The following KCTD8 variants were observed in gnomAD, a reference collection of about 807,000 sequenced individuals.
The protein encoded by KCTD8 is potassium channel tetramerization domain containing 8.
A neutral mutation model predicts 31.5 loss-of-function variants in KCTD8; 27 were observed. That is an observed-to-expected ratio of 0.86 (90% confidence interval 0.63 to 1.18). The LOEUF (loss-of-function observed/expected upper bound fraction) is 1.18. Ranked by LOEUF, KCTD8 falls within the 50% of genes most tolerant of loss-of-function variation. The pLI is 0.00. For synonymous variants in KCTD8, 290 were observed against 280.0 expected, an observed-to-expected ratio of 1.04 and a Z score of -0.36; for missense variants, 658 against 647.7, an observed-to-expected ratio of 1.02 and a Z score of -0.17.
intron 1 of KCTD8, among the ~76,000 whole-genome samples, chr4:44,350,987 C>T (rs565617929): frequency 6.6e-6 from 1 of 152,202 alleles, no homozygotes; most frequent in African/African-American, 2.4e-5. Flanking sequence ...AGGGTAGATT[C>T]CAATTCACTC....
intron 1 of KCTD8, among the ~76,000 whole-genome samples, chr4:44,352,523 A>G (rs1719229384): frequency 6.8e-6 from 1 of 147,724 alleles, no homozygotes; most frequent in African/African-American, 2.5e-5. Context: ...TATTTTATAT[A>G]TTTTATATAC....
intron 1 of KCTD8, among the ~76,000 whole-genome samples, chr4:44,295,760 C>G (rs1471578567): frequency 6.6e-6 from 1 of 152,126 alleles, no homozygotes; most frequent in Admixed American, 6.6e-5. Context: ...GAACAAAACA[C>G]CTCCCAGAGG....
intron 1 of KCTD8, among the ~76,000 whole-genome samples, chr4:44,234,728 G>T (rs772908003): frequency 6.6e-6 from 1 of 152,114 alleles, no homozygotes; most frequent in Non-Finnish European, 1.5e-5. Flanking sequence ...TATAAGCCAG[G>T]CCCTTCTAGG....
intron 1 of KCTD8, among the ~76,000 whole-genome samples, chr4:44,197,327 G>A (rs1000263595): frequency 6.6e-6 from 1 of 152,110 alleles, no homozygotes; most frequent in African/African-American, 2.4e-5. Context: ...GCCCCTGCCT[G>A]AGGGAGCCCC....
intron 1 of KCTD8, among the ~76,000 whole-genome samples, chr4:44,349,516 G>T (rs1042273049): frequency 1.4e-4 from 21 of 152,156 alleles, no homozygotes; most frequent in African/African-American, 5.1e-4. Flanking sequence ...AATAAAGCAT[G>T]ACTGTGGTTC....
At chr4:44,263,097 C>T (rs1716229776) in intron 1 of KCTD8, among the ~76,000 whole-genome samples, 1 of 152,112 alleles carries the variant, frequency 6.6e-6, no homozygotes, top group Non-Finnish European at 1.5e-5. Context: ...CATATTCTTT[C>T]CTCTCCCACT....
chr4:44,333,240 C>T lies in KCTD8; in HGVS notation c.961+114323G>A, dbSNP rs1718636332. 2.0e-5 allele frequency among the ~76,000 whole-genome samples: 3 copies of T among 152,034 alleles called. No homozygotes were observed. In the South Asian group the frequency reaches 6.2e-4, roughly 32 times the overall value. On this transcript the variant is annotated intron_variant, in intron 1 of 1. Transcript: ENST00000360029. ...AAAGATGAAGACAGACAATCCAATA[C>T]AGGGACCAGGAAAGATGTCAGCCTA...
intron 1 of KCTD8, among the ~76,000 whole-genome samples, chr4:44,390,891 G>T (rs926422173): frequency 4.6e-5 from 7 of 151,778 alleles, no homozygotes; most frequent in African/African-American, 1.7e-4. Flanking sequence ...ATTCCTCAAA[G>T]AACTAAAAGT....
intron 1 of KCTD8, among the ~76,000 whole-genome samples, chr4:44,382,589 G>C (rs535805452): frequency 4.0e-5 from 6 of 151,842 alleles, no homozygotes; most frequent in Non-Finnish European, 8.8e-5. Flanking sequence ...AATTACCCGG[G>C]CGTGGTGGTG....
At chr4:44,414,558 C>G (rs959717429) in intron 1 of KCTD8, among the ~76,000 whole-genome samples, 2 of 152,102 alleles carry the variant, frequency 1.3e-5, no homozygotes, top group African/African-American at 4.8e-5. Flanking sequence ...CTGGGTGGCC[C>G]CTGAGGGCTG....
chr4:44,242,550 A>T (rs1381531708), intron 1 of KCTD8, among the ~76,000 whole-genome samples: 1 of 152,036 alleles, frequency 6.6e-6, no homozygotes, highest in East Asian at 1.9e-4. Context: ...TGCAGTCTGG[A>T]CTGGGCGAAA....
chr4:44,301,906 G>T (rs1717635598), intron 1 of KCTD8, among the ~76,000 whole-genome samples: 2 of 152,134 alleles, frequency 1.3e-5, no homozygotes, highest in South Asian at 4.1e-4. Context: ...AAGGTGTAAG[G>T]AAGGGATCCA....
At chr4:44,189,952 C>T (rs541286403) in intron 1 of KCTD8, among the ~76,000 whole-genome samples, 2 of 152,250 alleles carry the variant, frequency 1.3e-5, no homozygotes, top group African/African-American at 2.4e-5. Context: ...TGATTCCCTC[C>T]CCCAGCAAAC....
chr4:44,351,715 T>C (rs1315308452), intron 1 of KCTD8, among the ~76,000 whole-genome samples: 1 of 152,080 alleles, frequency 6.6e-6, no homozygotes, highest in Admixed American at 6.6e-5. Flanking sequence ...ATAGAGATCA[T>C]AAGATCCTTG....
At chr4:44,385,360 A>G (rs1242140320) in intron 1 of KCTD8, among the ~76,000 whole-genome samples, 3 of 151,718 alleles carry the variant, frequency 2.0e-5, no homozygotes, top group Admixed American at 6.6e-5. Context: ...AGACATATAG[A>G]CGAAGGAAAT....
rs1387466119 is a variant in KCTD8, at chr4:44,448,429, G to A, written c.95C>T (p.Ala32Val). 1 of 1,553,846 alleles carries A rather than the reference G, an allele frequency of 6.4e-7. No individual in the cohort carries two copies. The highest frequency in any genetic ancestry group is 2.1e-5 in the Admixed American group (1 of 47,272). Reference sequence around the variant, plus strand: ...CGAGGGTGCGCAGGGCCCCGGGGCGGCGGCGGCCGACGCGCCGGGCGAGCT... The same window carrying A: ...CGAGGGTGCGCAGGGCCCCGGGGCGACGGCGGCCGACGCGCCGGGCGAGCT... ...SSSSPGASAAAAPGPCAPSPF... is the reference protein window; with the variant it reads ...SSSSPGASAAVAPGPCAPSPF... Residue 32 changes from alanine to valine, a missense_variant, in exon 1 of 2, where the codon GCC (alanine) becomes GTC (valine). Physicochemically the swap from Ala to Val is moderately conservative, Grantham distance 64. Coordinates refer to ENST00000360029, the MANE Select transcript of KCTD8 (RefSeq NM_198353.3). This position sits in a 1 kb window ranked among gnomAD's most constrained non-coding sequence, Gnocchi z 4.1.
Position 44,175,132 on chromosome 4 carries a change from A to G in KCTD8, c.1080T>C (p.Cys360=). 1.2e-6 allele frequency: 2 copies of G among 1,614,014 alleles called. No individual in the cohort carries two copies. The highest frequency in any genetic ancestry group is 1.7e-6 in the Non-Finnish European group (2 of 1,179,962). Residue 360 remains cysteine, a synonymous_variant, in exon 2 of 2, where the codon TGT becomes TGC. Coordinates refer to ENST00000360029, the MANE Select transcript of KCTD8 (RefSeq NM_198353.3). ...TSCNELSTSS[C]DSHSEASTPQ... ...GAGTGCTTGCCTCTGAATGGCTGTC[A>G]CAACTGGAAGTGGAGAGCTCATTAC...
chr4:44,259,211 T>C (rs1260780065), intron 1 of KCTD8, among the ~76,000 whole-genome samples: 6 of 151,652 alleles, frequency 4.0e-5, no homozygotes, highest in Non-Finnish European at 8.8e-5. Flanking sequence ...GTTTGCTTTG[T>C]GGTTTTTTTT....
intron 1 of KCTD8, among the ~76,000 whole-genome samples, chr4:44,381,986 T>C (rs768737487): frequency 5.9e-5 from 9 of 152,080 alleles, no homozygotes; most frequent in African/African-American, 2.2e-4. Context: ...AAGAAGGTCA[T>C]TGTATAATGA....
Sources: allele counts gnomAD v4.1 joint callset (sites outside exome capture counted in the v4.1 genomes callset), GRCh38; gene constraint gnomAD v4.1.1; non-coding constraint Gnocchi (gnomAD v3.1); transcripts MANE v1.5; gene names NCBI Gene and HGNC (gene_info 2026-07-23, HGNC 2026-07-21).